CEP85L: variants seen among roughly 807,000 people sequenced by gnomAD.
CEP85L encodes centrosomal protein 85L, also known as centrosomal protein of 85 kDa-like.
A neutral mutation model predicts 100.3 loss-of-function variants in CEP85L; 60 were observed. The observed-to-expected ratio is 0.60, with a 90% CI of 0.49 to 0.74. CEP85L has a LOEUF of 0.74. CEP85L is among the 30% of genes least tolerant of loss of function. The pLI, the probability that CEP85L is intolerant of heterozygous loss-of-function variation, is 0.00. For synonymous variants in CEP85L, 319 were observed against 322.7 expected, an observed-to-expected ratio of 0.99 and a Z score of 0.12; for missense variants, 973 against 936.2, an observed-to-expected ratio of 1.04 and a Z score of -0.51.
chr6:118,623,578 A>C (rs1241851306), intron 2 of CEP85L, among the ~76,000 whole-genome samples: 1 of 152,134 alleles, frequency 6.6e-6, no homozygotes, highest in African/African-American at 2.4e-5. Flanking sequence ...AGGCAAATGA[A>C]ACACTAAAGA....
intron 11 of CEP85L, among the ~76,000 whole-genome samples, chr6:118,470,301 C>G (rs998859165): frequency 2.0e-5 from 3 of 151,750 alleles, no homozygotes; most frequent in Non-Finnish European, 4.4e-5. Flanking sequence ...AGATGAATGC[C>G]AGCTAATAAA....
intron 3 of CEP85L, among the ~76,000 whole-genome samples, chr6:118,533,010 G>C (rs1359932412): frequency 6.6e-6 from 1 of 152,048 alleles, no homozygotes; most frequent in East Asian, 1.9e-4. Context: ...GCAGTACTGA[G>C]AAGGAAATTT....
chr6:118,545,730 T>C (rs944412052), intron 3 of CEP85L, among the ~76,000 whole-genome samples: 1 of 152,190 alleles, frequency 6.6e-6, no homozygotes, highest in African/African-American at 2.4e-5. Flanking sequence ...AAAAATAAAT[T>C]TGTAATTATT....
rs895017356 is a variant in CEP85L, at chr6:118,461,941, T to C, written c.*3464A>G. 8 of 152,060 alleles carry C rather than the reference T, an allele frequency of 5.3e-5. No homozygotes were observed. The highest frequency in any genetic ancestry group is 4.6e-4 in the Admixed American group (7 of 15,266). 9.4% of individuals were successfully genotyped at this position (152,060 alleles called of 1,614,324 possible). On this transcript the variant is annotated 3_prime_UTR_variant, in exon 13 of 13. Transcript: ENST00000368491. ...AACTATGCTGTGAAAATATAGTCCA[T>C]GTTCTTAGCTACTATGTTACTTAAT...
chr6:118,504,382 G>C (rs75132486), intron 5 of CEP85L, among the ~76,000 whole-genome samples: 1 of 137,354 alleles, frequency 7.3e-6, no homozygotes, highest in Admixed American at 7.2e-5. Flanking sequence ...CTCAAAAAAA[G>C]AAAAAAAAAA....
At chr6:118,679,194 C>T (rs982058501) in intron 1 of CEP85L, among the ~76,000 whole-genome samples, 2 of 152,080 alleles carry the variant, frequency 1.3e-5, no homozygotes, top group Admixed American at 6.6e-5. Flanking sequence ...CATTTTGTAC[C>T]AACTATTATA....
At chr6:118,590,773 T>C (rs1006092722) in intron 2 of CEP85L, among the ~76,000 whole-genome samples, 3 of 152,184 alleles carry the variant, frequency 2.0e-5, no homozygotes, top group Non-Finnish European at 2.9e-5. Flanking sequence ...ATTCTGTGCA[T>C]AGAACATCAC....
intron 2 of CEP85L, among the ~76,000 whole-genome samples, chr6:118,624,003 A>G (rs998127843): frequency 6.6e-6 from 1 of 152,112 alleles, no homozygotes. Context: ...ACCACACCCG[A>G]GTTAAACCTT....
At chr6:118,624,416 C>T (rs1262289723) in intron 2 of CEP85L, among the ~76,000 whole-genome samples, 1 of 152,078 alleles carries the variant, frequency 6.6e-6, no homozygotes, top group African/African-American at 2.4e-5. Context: ...CTCCTTTCTA[C>T]TACCGCTCCA....
In CEP85L at chr6:118,475,347, A is replaced by ATATCTTT. The variant is rs1470175603; in HGVS notation, c.1914+4523_1914+4524insAAAGATA. 8.9e-5 allele frequency among the ~76,000 whole-genome samples: 7 copies of ATATCTTT among 79,036 alleles called. 2 individuals are homozygous for ATATCTTT. The highest frequency in any genetic ancestry group is 1.0e-4 in the African/African-American group (2 of 19,782). 51.9% of individuals were successfully genotyped at this position (79,036 alleles called of 152,430 possible). A position where few individuals can be genotyped will look rare whatever the true frequency, so the allele number is the denominator to read the frequency against. On this transcript the variant is annotated intron_variant, in intron 10 of 12. Transcript: ENST00000368491. Reference sequence around the variant, plus strand: ...AAAAGGTGGGTGAATTGTAGGTGACATTTTTTTTTTTTTTTTTTTTTTTTT... The same window carrying ATATCTTT: ...AAAAGGTGGGTGAATTGTAGGTGACATATCTTTTTTTTTTTTTTTTTTTTTTTTTTTT...
At chr6:118,571,130 T>C (rs1192047893) in intron 2 of CEP85L, among the ~76,000 whole-genome samples, 1 of 152,166 alleles carries the variant, frequency 6.6e-6, no homozygotes, top group Non-Finnish European at 1.5e-5. Flanking sequence ...CTAGAAAATG[T>C]TAACTTTAAC....
At chr6:118,646,987 C>T (rs760208260) in intron 1 of CEP85L, 14 of 985,196 alleles carry the variant, frequency 1.4e-5, no homozygotes, top group African/African-American at 3.5e-5. Flanking sequence ...TAATCAAGTT[C>T]ATTTCACCAA....
intron 1 of CEP85L, among the ~76,000 whole-genome samples, chr6:118,680,247 C>T (rs1177674567): frequency 7.2e-6 from 1 of 138,994 alleles, no homozygotes; most frequent in African/African-American, 2.6e-5. Context: ...GAGCCCTGGT[C>T]ATACCACTAC....
chr6:118,587,851 T>C (rs960170336), intron 2 of CEP85L, among the ~76,000 whole-genome samples: 3 of 152,226 alleles, frequency 2.0e-5, no homozygotes, highest in Non-Finnish European at 2.9e-5. Context: ...TATGGTTATC[T>C]TTATCCCAAG....
Position 118,483,768 on chromosome 6 carries a change from T to C in CEP85L, c.1528A>G (p.Thr510Ala). The change falls in exon 7 of 13, where the codon ACC (threonine) becomes GCC (alanine). Residue 510 changes from threonine (T) to alanine (A), a missense_variant. Physicochemically the swap from Thr to Ala is moderately conservative, Grantham distance 58. Coordinates refer to ENST00000368491, the MANE Select transcript of CEP85L (RefSeq NM_001042475.3). ...AGATCAGCCAGATACTTTTCCAAGGTCTCAATTCTTCTCTGCTTTTCTTTG... is the reference window on the plus strand; with the variant it reads ...AGATCAGCCAGATACTTTTCCAAGGCCTCAATTCTTCTCTGCTTTTCTTTG... Reference protein sequence around the residue: ...QNKEKQRRIETLEKYLADLPT... With the variant: ...QNKEKQRRIEALEKYLADLPT... 6.2e-7 allele frequency: 1 copy of C among 1,613,846 alleles called. No individual in the cohort carries two copies. Among genetic ancestry groups the C allele is most frequent in the South Asian group, 1.1e-5 (1 of 91,076 alleles).
intron 3 of CEP85L, among the ~76,000 whole-genome samples, chr6:118,538,610 G>A (rs1261998216): frequency 1.3e-5 from 2 of 151,878 alleles, no homozygotes; most frequent in Non-Finnish European, 2.9e-5. Flanking sequence ...ACAAAGAAAT[G>A]AGCCATGCAT....
At chr6:118,573,881 A>C (rs1199140118) in intron 2 of CEP85L, 2 of 152,190 alleles carry the variant, frequency 1.3e-5, no homozygotes, top group African/African-American at 4.8e-5. Flanking sequence ...AAACTATAAA[A>C]CTCTTAGAAG....
At chr6:118,489,138 G>A (rs559079038) in intron 6 of CEP85L, among the ~76,000 whole-genome samples, 4 of 151,974 alleles carry the variant, frequency 2.6e-5, no homozygotes, top group Admixed American at 6.6e-5. Context: ...ATGGTGGCAC[G>A]TGCCTGTAAT....
intron 3 of CEP85L, among the ~76,000 whole-genome samples, chr6:118,553,015 T>C (rs1778641527): frequency 6.6e-6 from 1 of 152,132 alleles, no homozygotes; most frequent in South Asian, 2.1e-4. Context: ...ATTGTCATTC[T>C]TTTAATAAAA....
Sources: allele counts gnomAD v4.1 joint callset (sites outside exome capture counted in the v4.1 genomes callset), GRCh38; gene constraint gnomAD v4.1.1; transcripts MANE v1.5; gene names NCBI Gene and HGNC (gene_info 2026-07-23, HGNC 2026-07-21).